The following MAGI1 variants were observed in gnomAD, a reference collection of about 807,000 sequenced individuals.
MAGI1 encodes membrane-associated guanylate kinase, WW and PDZ domain-containing protein 1.
Under a neutral mutation model 139.9 loss-of-function variants are expected in MAGI1, and 58 were observed. That is an observed-to-expected ratio of 0.41 (90% CI 0.34 to 0.52). MAGI1 has a LOEUF of 0.52. Ranked by LOEUF, MAGI1 falls within the 20% of genes least tolerant of loss-of-function variation. The pLI, the probability that MAGI1 is intolerant of heterozygous loss-of-function variation, is 0.12. For synonymous variants in MAGI1, 812 were observed against 737.9 expected, an observed-to-expected ratio of 1.10 and a Z score of -1.63; for missense variants, 1,874 against 1,901.6, an observed-to-expected ratio of 0.99 and a Z score of 0.27.
intron 2 of MAGI1, among the ~76,000 whole-genome samples, chr3:65,588,439 TC>T (rs1359285341): frequency 6.6e-6 from 1 of 152,086 alleles, no homozygotes; most frequent in African/African-American, 2.4e-5. Flanking sequence ...GACAAACTAC[TC>T]CCCATATGTA....
intron 1 of MAGI1, among the ~76,000 whole-genome samples, chr3:65,974,942 C>T (rs2065192647): frequency 6.6e-6 from 1 of 152,140 alleles, no homozygotes; most frequent in Admixed American, 6.5e-5. Flanking sequence ...ATCATAGAGG[C>T]TGTGGAGTTT....
At chr3:65,773,480 C>T (rs1387943151) in intron 1 of MAGI1, among the ~76,000 whole-genome samples, 1 of 152,142 alleles carries the variant, frequency 6.6e-6, no homozygotes, top group South Asian at 2.1e-4. Flanking sequence ...TTGCAGTGAG[C>T]TATGATGGGG....
chr3:65,363,479 A>G lies in MAGI1; in HGVS notation c.3481T>C (p.Cys1161Arg), dbSNP rs779247838. The change falls in exon 21 of 23, where the codon TGT becomes CGT. Residue 1161 changes from cysteine (C) to arginine (R), a missense_variant. Coordinates refer to ENST00000402939, the MANE Select transcript of MAGI1 (RefSeq NM_001033057.2). ...RLAEDGPAER[C>R]GKMRIGDEIL... ...TCTCCACTTACCCTCATCTTTCCAC[A>G]CCTCTCCGCAGGACCGTCCTCTGCT... is the stretch of plus-strand genomic sequence containing the variant. The G allele has an allele frequency of 1.2e-6, 2 of 1,611,094 alleles. No homozygotes were observed. Among genetic ancestry groups the G allele is most frequent in the East Asian group, 4.5e-5 (2 of 44,768 alleles).
intron 1 of MAGI1, among the ~76,000 whole-genome samples, chr3:65,780,729 C>T (rs1874322): frequency 0.45 from 68,128 of 151,990 alleles, 15,661 homozygotes; most frequent in Admixed American, 0.58. Flanking sequence ...TTATAAAAAA[C>T]GTAGGAAAAT....
intron 1 of MAGI1, among the ~76,000 whole-genome samples, chr3:65,869,266 A>T (rs1292129248): frequency 6.6e-6 from 1 of 151,320 alleles, no homozygotes; most frequent in Non-Finnish European, 1.5e-5. Context: ...AAAAAAAAAA[A>T]AAAAACAACA....
intron 1 of MAGI1, among the ~76,000 whole-genome samples, chr3:65,657,191 G>A (rs963964771): frequency 6.6e-6 from 1 of 152,030 alleles, no homozygotes; most frequent in African/African-American, 2.4e-5. Flanking sequence ...AGGAAATGGA[G>A]GTAAAGGCAG....
intron 2 of MAGI1, among the ~76,000 whole-genome samples, chr3:65,598,544 T>C (rs1334937182): frequency 2.6e-5 from 4 of 152,206 alleles, no homozygotes; most frequent in Admixed American, 6.5e-5. Flanking sequence ...ATGTTTGAAA[T>C]AATTGTCTTC....
intron 2 of MAGI1, among the ~76,000 whole-genome samples, chr3:65,582,965 C>A (rs79560643): frequency 6.6e-6 from 1 of 152,092 alleles, no homozygotes; most frequent in Non-Finnish European, 1.5e-5. Context: ...TTTTAAGTTA[C>A]GTAATGTTAA....
intron 1 of MAGI1, among the ~76,000 whole-genome samples, chr3:65,671,634 G>GA (rs1207499237): frequency 1.3e-5 from 2 of 152,162 alleles, no homozygotes; most frequent in African/African-American, 4.8e-5. Flanking sequence ...GGGTCCCATA[G>GA]AATAGTCCAT....
At chr3:65,860,044 C>T (rs1007385827) in intron 1 of MAGI1, among the ~76,000 whole-genome samples, 5 of 152,018 alleles carry the variant, frequency 3.3e-5, no homozygotes, top group Middle Eastern at 6.8e-3. Context: ...TACAGGCACG[C>T]ACCACCATGC....
intron 1 of MAGI1, among the ~76,000 whole-genome samples, chr3:65,850,287 T>A (rs774994614): frequency 7.9e-5 from 12 of 152,204 alleles, no homozygotes; most frequent in Admixed American, 2.6e-4. Flanking sequence ...CTGTCACAAT[T>A]TGCCTAAGTC....
At chr3:65,523,943 C>T (rs932392480) in intron 2 of MAGI1, among the ~76,000 whole-genome samples, 23 of 152,030 alleles carry the variant, frequency 1.5e-4, no homozygotes, top group Admixed American at 7.2e-4. Flanking sequence ...GAAATTCAAA[C>T]GCAAAGATCA....
chr3:65,770,403 C>T (rs529010200), intron 1 of MAGI1, among the ~76,000 whole-genome samples: 1 of 152,302 alleles, frequency 6.6e-6, no homozygotes, highest in South Asian at 2.1e-4. Flanking sequence ...AAGCTCCCAT[C>T]CATCCTGCCA....
chr3:65,830,321 G>A (rs1255878663), intron 1 of MAGI1, among the ~76,000 whole-genome samples: 2 of 150,576 alleles, frequency 1.3e-5, no homozygotes, highest in African/African-American at 4.9e-5. Flanking sequence ...TATAAAAGGA[G>A]AGAGAGAAAA....
rs532259996 is a variant in MAGI1 at position 65,755,892 on chromosome 3, C to T, written c.314-133804G>A. The stretch of plus-strand genomic sequence containing the variant: ...ATGCATTATCATGCTGCAATATAAA[C>T]ACTGAATAATCTAAACCTAGATAAA... On this transcript the variant is annotated intron_variant, in intron 1 of 22. Transcript: ENST00000402939. Among the ~76,000 whole-genome samples, 5 of 152,314 alleles carry T rather than the reference C, an allele frequency of 3.3e-5. No individual in the cohort carries two copies. In the South Asian group the frequency reaches 1.0e-3, roughly 32 times the overall value.
intron 1 of MAGI1, among the ~76,000 whole-genome samples, chr3:65,727,549 T>G (rs1304160571): frequency 1.3e-5 from 2 of 152,184 alleles, no homozygotes; most frequent in African/African-American, 2.4e-5. Context: ...TTACTCCAAA[T>G]GAAGCTTCCA....
chr3:65,617,111 G>A (rs901322728), intron 2 of MAGI1, among the ~76,000 whole-genome samples: 1 of 152,168 alleles, frequency 6.6e-6, no homozygotes, highest in Non-Finnish European at 1.5e-5. Context: ...AAATTGCCTT[G>A]TAGATCAAAC....
At chr3:66,017,244 C>G (rs151277787) in intron 1 of MAGI1, among the ~76,000 whole-genome samples, 1 of 152,188 alleles carries the variant, frequency 6.6e-6, no homozygotes, top group African/African-American at 2.4e-5. Flanking sequence ...TTAGTCAGTG[C>G]GGGAAGACGC....
intron 2 of MAGI1, among the ~76,000 whole-genome samples, chr3:65,571,255 A>C (rs577658173): frequency 6.6e-6 from 1 of 152,298 alleles, no homozygotes; most frequent in Admixed American, 6.5e-5. Flanking sequence ...AACTGTATAC[A>C]AATTATTTTA....
Sources: allele counts gnomAD v4.1 joint callset (sites outside exome capture counted in the v4.1 genomes callset), GRCh38; gene constraint gnomAD v4.1.1; transcripts MANE v1.5; gene names NCBI Gene and HGNC (gene_info 2026-07-23, HGNC 2026-07-21).